DLG2: variants seen among roughly 807,000 people sequenced by gnomAD.
DLG2 encodes disks large homolog 2.
DLG2 carries 45 observed loss-of-function variants against 132.5 expected under a neutral mutation model. The observed-to-expected ratio is 0.34, with a 90% CI of 0.27 to 0.44. The LOEUF is 0.44. Ranked by LOEUF, DLG2 falls within the 20% of genes least tolerant of loss-of-function variation. The probability of loss-of-function intolerance (pLI) is 1.00; values close to 1 mark genes in which losing one functional copy is unlikely to be tolerated. For missense variants in DLG2, 1,045 were observed against 1,196.9 expected (o/e 0.87, Z 1.87); for synonymous variants, 424 against 419.6 (o/e 1.01, Z -0.13).
At chr11:84,475,348 C>T (rs962482164) in intron 7 of DLG2, among the ~76,000 whole-genome samples, 11 of 152,004 alleles carry the variant, frequency 7.2e-5, no homozygotes, top group African/African-American at 4.8e-5. Context: ...ACATTTTTTG[C>T]GGTCAAATAG....
intron 18 of DLG2, among the ~76,000 whole-genome samples, chr11:83,644,972 ACTTAGT>A (rs1418694693): frequency 6.6e-6 from 1 of 152,134 alleles, no homozygotes; most frequent in Admixed American, 6.6e-5. Flanking sequence ...TATATTTGTC[ACTTAGT>A]CCCCAGTATT....
chr11:84,155,161 A>C lies in DLG2; in HGVS notation c.624+8300T>G, dbSNP rs537974619. Among the ~76,000 whole-genome samples, 5 of 152,216 alleles carry C rather than the reference A, an allele frequency of 3.3e-5. No homozygotes were observed. The South Asian group carries it at 1.0e-3, about 32-fold the overall frequency. The stretch of plus-strand genomic sequence containing the variant: ...TTGTGGTATATATTGAGTATAGTTG[A>C]TTGGCTTCATTTCTGGATGCTTTTA... On this transcript the variant is annotated intron_variant, in intron 9 of 27. Transcript: ENST00000376104.
At chr11:83,911,924 G>A (rs1392421973) in intron 15 of DLG2, among the ~76,000 whole-genome samples, 1 of 151,780 alleles carries the variant, frequency 6.6e-6, no homozygotes, top group African/African-American at 2.4e-5. Flanking sequence ...TTTGAAAGCT[G>A]TACAGATAAC....
At chr11:84,092,512 C>T (rs2097107511) in intron 10 of DLG2, among the ~76,000 whole-genome samples, 1 of 152,120 alleles carries the variant, frequency 6.6e-6, no homozygotes, top group South Asian at 2.1e-4. Flanking sequence ...TCTTTGACTC[C>T]AAATATTGTG....
chr11:85,135,132 G>A (rs865876278), intron 5 of DLG2, among the ~76,000 whole-genome samples: 5 of 152,104 alleles, frequency 3.3e-5, no homozygotes, highest in South Asian at 4.1e-4. Context: ...GTGTTTCCCT[G>A]GCACAACTAA....
At chr11:84,178,420 G>A (rs1168540684) in intron 8 of DLG2, among the ~76,000 whole-genome samples, 1 of 152,116 alleles carries the variant, frequency 6.6e-6, no homozygotes, top group Non-Finnish European at 1.5e-5. Flanking sequence ...GAGTGCATAT[G>A]AAAGGTCGTG....
intron 3 of DLG2, among the ~76,000 whole-genome samples, chr11:85,385,606 A>C (rs945072296): frequency 5.3e-5 from 8 of 152,334 alleles, no homozygotes; most frequent in African/African-American, 1.7e-4. Context: ...GAAATAAATA[A>C]GTATTTTAGC....
intron 7 of DLG2, among the ~76,000 whole-genome samples, chr11:84,303,306 T>C (rs2098177353): frequency 6.6e-6 from 1 of 152,170 alleles, no homozygotes; most frequent in South Asian, 2.1e-4. Context: ...GATAACTAAC[T>C]ATAATAACCA....
intron 3 of DLG2, among the ~76,000 whole-genome samples, chr11:85,414,375 C>T (rs1391174819): frequency 1.3e-5 from 2 of 151,940 alleles, no homozygotes; most frequent in African/African-American, 4.8e-5. Flanking sequence ...CTTTACTGAT[C>T]TGGATGCCCT....
intron 15 of DLG2, among the ~76,000 whole-genome samples, chr11:83,877,515 A>C (rs1346575406): frequency 6.6e-6 from 1 of 152,162 alleles, no homozygotes; most frequent in Non-Finnish European, 1.5e-5. Context: ...TCATTACCTT[A>C]TAACTAATTA....
chr11:85,113,521 G>T (rs2073099556), intron 5 of DLG2, among the ~76,000 whole-genome samples: 1 of 152,076 alleles, frequency 6.6e-6, no homozygotes, highest in African/African-American at 2.4e-5. Flanking sequence ...AATTAACAAT[G>T]ATTTTACAAG....
intron 6 of DLG2, among the ~76,000 whole-genome samples, chr11:84,767,039 T>G (rs1297598050): frequency 6.6e-6 from 1 of 152,040 alleles, no homozygotes; most frequent in African/African-American, 2.4e-5. Flanking sequence ...TTGGATAACA[T>G]TGGGAAAGTC....
intron 7 of DLG2, among the ~76,000 whole-genome samples, chr11:84,394,674 GCT>G (rs989045975): frequency 4.2e-5 from 6 of 143,990 alleles, no homozygotes; most frequent in Admixed American, 4.0e-4. Context: ...TGTCACCCAG[GCT>G]GGAGTGCAAT....
At chr11:83,950,925 T>C (rs7950436) in intron 14 of DLG2, among the ~76,000 whole-genome samples, 2,031 of 152,080 alleles carry the variant, frequency 0.013, 42 homozygotes, top group African/African-American at 0.046. Flanking sequence ...TGCCCCCCCC[T>C]CCACACTTCC....
chr11:85,228,316 G>C (rs1400373863), intron 4 of DLG2, among the ~76,000 whole-genome samples: 1 of 152,026 alleles, frequency 6.6e-6, no homozygotes, highest in East Asian at 1.9e-4. Context: ...GAAATAGGAA[G>C]GATGCCAGAT....
intron 4 of DLG2, among the ~76,000 whole-genome samples, chr11:85,219,113 CT>C (rs1050590874): frequency 2.0e-5 from 3 of 152,222 alleles, no homozygotes; most frequent in Admixed American, 2.0e-4. Context: ...GAAAAACTAC[CT>C]ATCAGGTACC....
intron 7 of DLG2, among the ~76,000 whole-genome samples, chr11:84,421,159 C>T (rs1336481844): frequency 6.6e-6 from 1 of 152,088 alleles, no homozygotes; most frequent in African/African-American, 2.4e-5. Context: ...TGTCTATGAA[C>T]CAGGAAGTGA....
intron 18 of DLG2, among the ~76,000 whole-genome samples, chr11:83,775,617 T>C (rs951004485): frequency 6.6e-6 from 1 of 152,210 alleles, no homozygotes; most frequent in Non-Finnish European, 1.5e-5. Context: ...CCATTCTCTC[T>C]ACATCTTTCT....
intron 6 of DLG2, among the ~76,000 whole-genome samples, chr11:84,615,816 G>A (rs1273824590): frequency 2.2e-4 from 13 of 59,278 alleles, no homozygotes; most frequent in African/African-American, 1.5e-3. Context: ...GGACAAAAAC[G>A]GTAAAAAAAA....
Sources: allele counts gnomAD v4.1 joint callset (sites outside exome capture counted in the v4.1 genomes callset), GRCh38; gene constraint gnomAD v4.1.1; transcripts MANE v1.5; gene names NCBI Gene and HGNC (gene_info 2026-07-23, HGNC 2026-07-21).